The following HENMT1 variants were observed in gnomAD, a reference collection of about 807,000 sequenced individuals.
HENMT1 encodes small RNA 2'-O-methyltransferase.
HENMT1 carries 27 observed loss-of-function variants against 31.1 expected under a neutral mutation model. The ratio of observed to expected loss-of-function variants is 0.87; its 90% CI spans 0.64 to 1.20. The LOEUF (loss-of-function observed/expected upper bound fraction) is 1.20, where lower values mean the gene tolerates loss of function less well. Among genes scored for constraint, HENMT1 ranks in the 50% most tolerant of loss-of-function variants. HENMT1 has a pLI of 0.00. For missense variants in HENMT1, 438 were observed against 469.6 expected, an observed-to-expected ratio of 0.93 and a Z score of 0.62; for synonymous variants, 167 against 172.2, an observed-to-expected ratio of 0.97 and a Z score of 0.24.
chr1:108,650,726 C>T (rs769884429), intron 6 of HENMT1, among the ~76,000 whole-genome samples: 3 of 152,114 alleles, frequency 2.0e-5, no homozygotes, highest in Non-Finnish European at 2.9e-5. Flanking sequence ...GGAGATATCC[C>T]GGGGAGGGGC....
chr1:108,656,356 A>C (rs1036453774), intron 3 of HENMT1, among the ~76,000 whole-genome samples: 1 of 152,242 alleles, frequency 6.6e-6, no homozygotes, highest in Non-Finnish European at 1.5e-5. Context: ...GAAAGCTTTC[A>C]TCTAGAAATT....
rs576847839 is a variant in HENMT1 at position 108,658,104 on chromosome 1, C to T, written c.22-525G>A. Among the ~76,000 whole-genome samples the T allele has an allele frequency of 2.2e-3, 295 of 132,744 alleles. 2 individuals are homozygous for T. The highest frequency in any genetic ancestry group is 7.5e-3 in the African/African-American group (280 of 37,580). The allele number at this position is 132,744 out of a possible 152,430, so 87.1% of individuals were successfully genotyped here. A position where few individuals can be genotyped will look rare whatever the true frequency, so the allele number is the denominator to read the frequency against. On this transcript the variant is annotated intron_variant, in intron 2 of 7. Coordinates refer to ENST00000651461, the MANE Select transcript of HENMT1 (RefSeq NM_001102592.2). ...ACACACACACACACACATATATACA[C>T]ACACACACACACACATATATATATA...
At chr1:108,656,508 C>T (rs112120992) in intron 3 of HENMT1, among the ~76,000 whole-genome samples, 5,762 of 152,244 alleles carry the variant, frequency 0.038, 139 homozygotes, top group Middle Eastern at 0.092. Flanking sequence ...CTTTTTGAGA[C>T]GGGCTCTTTC....
At chr1:108,658,025 TTACACACACACACATATATA>T (rs1658305049) in intron 2 of HENMT1, among the ~76,000 whole-genome samples, 3 of 113,578 alleles carry the variant, frequency 2.6e-5, no homozygotes, top group African/African-American at 7.4e-5. Context: ...GTACACACAC[TTACACACACACACATATATA>T]TACACACACA....
Position 108,648,674 on chromosome 1 carries a change from A to T in HENMT1, c.1074T>A (p.Asn358Lys), listed in dbSNP as rs1166542966. ...CAATGACTGATCTCATCATCTCTTC[A>T]TTAGCACATAAGCGGTTCAACTTGG... is the stretch of plus-strand genomic sequence containing the variant. The part of the protein sequence containing the change: ...AYPKLNRLCA[N>K]EEMMRSVIAD... Residue 358 changes from asparagine to lysine, a missense_variant, in exon 8 of 8, where the codon AAT (asparagine) becomes AAA (lysine). Transcript: ENST00000651461. 18 of 1,614,216 alleles carry T rather than the reference A, an allele frequency of 1.1e-5. No homozygotes were observed. Among genetic ancestry groups the T allele is most frequent in the Non-Finnish European group, 1.5e-5 (18 of 1,180,038 alleles).
Position 108,648,509 on chromosome 1 carries a change from AT to A in HENMT1, c.*56del. 6.9e-7 allele frequency: 1 copy of A among 1,450,050 alleles called. No individual in the cohort carries two copies. Among genetic ancestry groups the A allele is most frequent in the East Asian group, 2.4e-5 (1 of 42,530 alleles). 89.8% of individuals were successfully genotyped at this position (1,450,050 alleles called of 1,614,324 possible). The stretch of plus-strand genomic sequence containing the variant: ...ATTAGGATTACACAAAAAAAACTAA[AT>A]TCTAAGTGAGCACAACTATCGCTGA... On this transcript the variant is annotated 3_prime_UTR_variant, in exon 8 of 8. Transcript: ENST00000651461.
chr1:108,657,955 ATGAC>A (rs199830093), intron 2 of HENMT1, among the ~76,000 whole-genome samples: 3,303 of 150,912 alleles, frequency 0.022, 134 homozygotes, highest in African/African-American at 0.078. Context: ...AATATTTATA[ATGAC>A]TGACTATATA....
Position 108,648,783 on chromosome 1 carries a change from T to C in HENMT1, c.965A>G (p.Glu322Gly), listed in dbSNP as rs767410712. 1 of 1,614,206 alleles carries C rather than the reference T, an allele frequency of 6.2e-7. No homozygotes were observed. The highest frequency in any genetic ancestry group is 1.1e-5 in the South Asian group (1 of 91,088). Residue 322 changes from glutamate (E) to glycine (G), a missense_variant, in exon 8 of 8, where the codon GAG becomes GGG. Coordinates refer to ENST00000651461, the MANE Select transcript of HENMT1 (RefSeq NM_001102592.2). ...GGGAGAGTTCTCTATCTTGGCCTTC[T>C]CAACCTCTGTGAAGACTGGTCCAAA... The part of the protein sequence containing the change: ...PCFGPVFTEV[E>G]KAKIENSPTP...
At chr1:108,655,069 AATATTGTT>A (rs940793269) in intron 4 of HENMT1, among the ~76,000 whole-genome samples, 2 of 152,166 alleles carry the variant, frequency 1.3e-5, no homozygotes, top group African/African-American at 4.8e-5. Flanking sequence ...CTGAATATTT[AATATTGTT>A]ATATTGTTTT....
chr1:108,655,848 TACACACACACACACACACACACACAC>T (rs61122468), intron 3 of HENMT1, 150 bp from the exon 4 acceptor site: 67 of 233,944 alleles, frequency 2.9e-4, no homozygotes, highest in Non-Finnish European at 5.1e-4. Flanking sequence ...CAGAAGATGC[TACACACACACACACACACACACACAC>T]ACACACACAC....
rs917933653 is a variant in HENMT1, at chr1:108,660,980, T to G, written c.-96A>C. ...CTGCTCACTGAAACCAACGCTTCTG[T>G]CTTTGTACGGGCCGTCGCTTCCATC... On this transcript the variant is annotated 5_prime_UTR_variant, in exon 1 of 8. Transcript: ENST00000651461. 3 of 984,862 alleles carry G rather than the reference T, an allele frequency of 3.0e-6. No homozygotes were observed. 61.0% of individuals were successfully genotyped at this position (984,862 alleles called of 1,614,324 possible).
intron 1 of HENMT1, 136 bp downstream of exon 1, chr1:108,660,827 G>A (rs545053505): frequency 6.6e-4 from 149 of 225,004 alleles, no homozygotes; most frequent in African/African-American, 3.4e-3. Flanking sequence ...GGGAGGCTGA[G>A]GCAGGAGAAT....
chr1:108,658,009 AT>A (rs1274399766), intron 2 of HENMT1, among the ~76,000 whole-genome samples: 1 of 149,416 alleles, frequency 6.7e-6, no homozygotes, highest in Non-Finnish European at 1.5e-5. Flanking sequence ...ACACACACAC[AT>A]ATATGTACAC....
intron 2 of HENMT1, among the ~76,000 whole-genome samples, chr1:108,657,897 T>C (rs1200955956): frequency 6.6e-6 from 1 of 151,836 alleles, no homozygotes; most frequent in East Asian, 1.9e-4. Context: ...GGACCTTTTG[T>C]GGAGTGAGTC....
At chr1:108,652,343 C>CAGTG (rs1658082023) in intron 5 of HENMT1, among the ~76,000 whole-genome samples, 1 of 152,120 alleles carries the variant, frequency 6.6e-6, no homozygotes, top group African/African-American at 2.4e-5. Context: ...TAACAGGACA[C>CAGTG]AGTGTATCCA....
chr1:108,650,194 TCA>T lies in HENMT1; in HGVS notation c.756+15_756+16del, dbSNP rs1658007510. The T allele has an allele frequency of 6.2e-7, 1 of 1,611,448 alleles. No individual in the cohort carries two copies. The highest frequency in any genetic ancestry group is 1.3e-5 in the African/African-American group (1 of 74,856). ...TGTATCTCTAGCCCTGATAGCTATCTCACAAAGAATACTCACAGCTTTATAAA... is the reference window on the plus strand; with the variant it reads ...TGTATCTCTAGCCCTGATAGCTATCTCAAAGAATACTCACAGCTTTATAAA... On this transcript the variant is annotated intron_variant, in intron 7 of 7. Coordinates refer to ENST00000651461, the MANE Select transcript of HENMT1 (RefSeq NM_001102592.2).
intron 5 of HENMT1, 159 bp from the exon 6 acceptor site, chr1:108,651,368 G>A: frequency 1.6e-6 from 1 of 643,238 alleles, no homozygotes. Flanking sequence ...ATTCGGGCCA[G>A]GCACAGTGGC....
At position 108,650,326 on chromosome 1, in the gene HENMT1, G is replaced by A. The variant is rs1360966602; in HGVS notation, c.641C>T (p.Pro214Leu). ...GTATCCAACATTCTCAGCTCCAGCT[G>A]GTGGTTCCCCGACACCAGTAAACTC... ...SVEFTGVGEP[P>L]AGAENVGYCT... is the part of the protein sequence containing the mutation. Residue 214 changes from proline to leucine, a missense_variant, in exon 7 of 8, where the codon CCA (proline) becomes CTA (leucine). Physicochemically the swap from Pro to Leu is moderately conservative, Grantham distance 98. Transcript: ENST00000651461. 4.3e-6 allele frequency: 7 copies of A among 1,614,106 alleles called. No homozygotes were observed. Among genetic ancestry groups the A allele is most frequent in the Non-Finnish European group, 5.1e-6 (6 of 1,179,984 alleles).
In HENMT1 at chr1:108,649,442, A is replaced by G. The variant is rs1206446213; in HGVS notation, c.757-451T>C. The G allele has an allele frequency of 8.6e-5, 38 of 442,752 alleles. No individual in the cohort carries two copies. In the East Asian group the frequency reaches 2.7e-3, roughly 31 times the overall value. 27.4% of individuals were successfully genotyped at this position (442,752 alleles called of 1,614,324 possible). A position where few individuals can be genotyped will look rare whatever the true frequency, so the allele number is the denominator to read the frequency against. Reference sequence around the variant, plus strand: ...ATAGTGAGACCCTGTCTCTACGGAAAAAAAAACAAAAAACAAAACAAAAAA... The same window carrying G: ...ATAGTGAGACCCTGTCTCTACGGAAGAAAAAACAAAAAACAAAACAAAAAA... On this transcript the variant is annotated intron_variant, in intron 7 of 7. Coordinates refer to ENST00000651461, the MANE Select transcript of HENMT1 (RefSeq NM_001102592.2).
Sources: allele counts gnomAD v4.1 joint callset (sites outside exome capture counted in the v4.1 genomes callset), GRCh38; gene constraint gnomAD v4.1.1; transcripts MANE v1.5; gene names NCBI Gene and HGNC (gene_info 2026-07-23, HGNC 2026-07-21).